The following KLC1 variants were observed in gnomAD, a reference collection of about 807,000 sequenced individuals.
The protein encoded by KLC1 is kinesin 2 60/70kDa.
In KLC1, 30 loss-of-function variants were observed where a neutral mutation model predicts 84.2. The observed-to-expected ratio is 0.36, with a 90% confidence interval of 0.27 to 0.48. The LOEUF is 0.48. Among genes scored for constraint, KLC1 ranks in the 20% least tolerant of loss-of-function variants. The probability of loss-of-function intolerance (pLI) is 0.99; values close to 1 mark genes in which losing one functional copy is unlikely to be tolerated. For missense variants in KLC1, 499 were observed against 805.4 expected (o/e 0.62, Z 4.60); for synonymous variants, 289 against 293.3 (o/e 0.99, Z 0.15).
chr14:103,654,390 T>C (rs1446116154), intron 1 of KLC1, among the ~76,000 whole-genome samples, 174 bp from the exon 2 acceptor site: 1 of 152,224 alleles, frequency 6.6e-6, no homozygotes, highest in Non-Finnish European at 1.5e-5. Flanking sequence ...TAAATGTGTC[T>C]GCAAAGGAAA....
chr14:103,632,393 C>T (rs978717382), intron 1 of KLC1, among the ~76,000 whole-genome samples: 1 of 151,642 alleles, frequency 6.6e-6, no homozygotes, highest in South Asian at 2.1e-4. Flanking sequence ...TCACTGCAGT[C>T]CAGCCAGACT....
chr14:103,630,023 C>A (rs1187463522), intron 1 of KLC1, among the ~76,000 whole-genome samples: 1 of 152,160 alleles, frequency 6.6e-6, no homozygotes, highest in African/African-American at 2.4e-5. Flanking sequence ...TGAGCGGACG[C>A]GCCTGTCATT....
intron 1 of KLC1, among the ~76,000 whole-genome samples, chr14:103,641,909 A>G (rs1467735437): frequency 6.6e-6 from 1 of 151,710 alleles, no homozygotes; most frequent in African/African-American, 2.4e-5. Context: ...GGTATCAGCC[A>G]CTATACTCTG....
rs1259323490 is a variant in KLC1 at position 103,692,786 on chromosome 14, TTAA to T, written c.1848+366_1848+368del. On this transcript the variant is annotated intron_variant, in intron 15 of 16. Transcript: ENST00000334553. ...TTAGCCTCTACTAAGTTTATAACTA[TTAA>T]TAATTAATTGTCTACTTAAGCTGTT... Among the ~76,000 whole-genome samples, 6 of 152,352 alleles carry T rather than the reference TTAA, an allele frequency of 3.9e-5. No homozygotes were observed. In the East Asian group the frequency reaches 1.2e-3, roughly 29 times the overall value.
At chr14:103,663,007 A>G (rs1465913450) in intron 5 of KLC1, 80 bp downstream of exon 5, 4 of 927,420 alleles carry the variant, frequency 4.3e-6, no homozygotes, top group African/African-American at 1.7e-5. Flanking sequence ...ATATATTTTT[A>G]TGTATCTGTA....
chr14:103,651,365 T>C (rs2078427480), intron 1 of KLC1, among the ~76,000 whole-genome samples: 1 of 151,366 alleles, frequency 6.6e-6, no homozygotes, highest in South Asian at 2.1e-4. Context: ...ATATAGACTT[T>C]TGCCTGTATT....
At chr14:103,668,805 T>C (rs1469200970) in intron 5 of KLC1, among the ~76,000 whole-genome samples, 3 of 147,930 alleles carry the variant, frequency 2.0e-5, no homozygotes, top group Non-Finnish European at 4.5e-5. Flanking sequence ...TTTGAGACAG[T>C]CTCACTCTGT....
intron 3 of KLC1, 112 bp downstream of exon 3, chr14:103,657,888 A>G (rs1341830929): frequency 3.9e-6 from 3 of 774,998 alleles, no homozygotes; most frequent in Non-Finnish European, 6.3e-6. Context: ...TTAGAACATT[A>G]GAACATGCAA....
chr14:103,701,249 G>A lies in KLC1; in HGVS notation c.*50G>A, dbSNP rs372219260. 1.1e-4 allele frequency: 168 copies of A among 1,545,040 alleles called. No homozygotes were observed. The African/African-American group carries it at 1.7e-3, about 15-fold the overall frequency. ...AGGATGGGACTGCCGAGTGTGGCCC[G>A]GAGCTGGCCCGGGACAGCCAGGGCG... On this transcript the variant is annotated 3_prime_UTR_variant, in exon 17 of 17. Coordinates refer to ENST00000334553, the MANE Select transcript of KLC1 (RefSeq NM_001394837.1).
chr14:103,649,707 T>C (rs895386495), intron 1 of KLC1, among the ~76,000 whole-genome samples: 2 of 151,656 alleles, frequency 1.3e-5, no homozygotes, highest in African/African-American at 2.4e-5. Context: ...TGTTTTTTTT[T>C]TTTTTCGAGA....
At chr14:103,695,123 T>C in intron 15 of KLC1, 2 of 983,474 alleles carry the variant, frequency 2.0e-6, no homozygotes, top group Non-Finnish European at 2.4e-6. Context: ...ATAGGTTCTG[T>C]AATAGTGGAT....
chr14:103,640,290 C>A (rs2077380423), intron 1 of KLC1, among the ~76,000 whole-genome samples: 1 of 151,784 alleles, frequency 6.6e-6, no homozygotes, highest in Non-Finnish European at 1.5e-5. Flanking sequence ...GATCTCCTGA[C>A]TTCAGGTGAT....
chr14:103,683,274 G>A (rs1025913997), intron 13 of KLC1: 2 of 152,166 alleles, frequency 1.3e-5, no homozygotes, highest in African/African-American at 4.8e-5. Flanking sequence ...TCCAGGGAAG[G>A]ACAGTTCTCT....
In KLC1 at chr14:103,672,967, G is replaced by T. The variant is rs371514226; in HGVS notation, c.988-47G>T. The stretch of plus-strand genomic sequence containing the variant: ...TGACAGTAGGGTGGAGAATGGATTG[G>T]ATGGAAGCAGAACAAGTGTCTCTAA... On this transcript the variant is annotated intron_variant, in intron 7 of 16. Coordinates refer to ENST00000334553, the MANE Select transcript of KLC1 (RefSeq NM_001394837.1). 19 of 1,550,958 alleles carry T rather than the reference G, an allele frequency of 1.2e-5. No individual in the cohort carries two copies. In the African/African-American group the frequency reaches 2.6e-4, roughly 21 times the overall value.
chr14:103,649,322 C>T (rs887836277), intron 1 of KLC1, among the ~76,000 whole-genome samples: 5 of 151,826 alleles, frequency 3.3e-5, no homozygotes, highest in African/African-American at 9.7e-5. Context: ...AAAGTTGAGT[C>T]ACTATCTAAA....
intron 12 of KLC1, among the ~76,000 whole-genome samples, chr14:103,679,095 A>C (rs1433255036): frequency 1.3e-5 from 2 of 152,152 alleles, no homozygotes; most frequent in Non-Finnish European, 2.9e-5. Context: ...TAAACTTAGA[A>C]AACCACATGA....
intron 9 of KLC1, among the ~76,000 whole-genome samples, chr14:103,674,337 T>C (rs1305209871): frequency 6.6e-6 from 1 of 152,138 alleles, no homozygotes; most frequent in Non-Finnish European, 1.5e-5. Flanking sequence ...CTCCATAGCA[T>C]GGGTCTGTTG....
chr14:103,667,074 C>T (rs1250898250), intron 5 of KLC1, among the ~76,000 whole-genome samples: 4 of 151,904 alleles, frequency 2.6e-5, no homozygotes, highest in Admixed American at 6.6e-5. Flanking sequence ...CCACCATGTC[C>T]GGCCTCATTT....
chr14:103,695,885 T>C (rs939484764), intron 15 of KLC1: 1 of 985,270 alleles, frequency 1.0e-6, no homozygotes, highest in African/African-American at 1.7e-5. Flanking sequence ...TCTGAGTACC[T>C]GAGTCCCCGA....
Sources: allele counts gnomAD v4.1 joint callset (sites outside exome capture counted in the v4.1 genomes callset), GRCh38; gene constraint gnomAD v4.1.1; transcripts MANE v1.5; gene names NCBI Gene and HGNC (gene_info 2026-07-23, HGNC 2026-07-21).